Variants in NRCAM observed in about 807,000 individuals in gnomAD.
NRCAM encodes the protein neuronal cell adhesion molecule.
A neutral mutation model predicts 156.5 loss-of-function variants in NRCAM; 83 were observed. The observed-to-expected ratio is 0.53, with a 90% CI of 0.44 to 0.64. The LOEUF is 0.64. Ranked by LOEUF, NRCAM falls within the 30% of genes least tolerant of loss-of-function variation. The pLI, the probability that NRCAM is intolerant of heterozygous loss-of-function variation, is 0.00. For missense variants in NRCAM, 1,417 were observed against 1,597.3 expected, an observed-to-expected ratio of 0.89 and a Z score of 1.92; for synonymous variants, 538 against 563.9, an observed-to-expected ratio of 0.95 and a Z score of 0.65.
intron 2 of NRCAM, 40 bp downstream of exon 2, chr7:108,399,396 C>T (rs1337954772): frequency 6.6e-6 from 1 of 152,188 alleles, no homozygotes; most frequent in African/African-American, 2.4e-5. Flanking sequence ...CCAGTTAATT[C>T]AGTCTTGTAA....
chr7:108,277,817 C>T (rs1171673036), intron 3 of NRCAM, among the ~76,000 whole-genome samples: 1 of 152,056 alleles, frequency 6.6e-6, no homozygotes, highest in Non-Finnish European at 1.5e-5. Flanking sequence ...GAGAAGAGGC[C>T]TTCTGGTTTT....
chr7:108,316,300 A>C (rs1220263108), intron 2 of NRCAM, among the ~76,000 whole-genome samples: 1 of 152,186 alleles, frequency 6.6e-6, no homozygotes, highest in African/African-American at 2.4e-5. Flanking sequence ...GGGATGATGC[A>C]GCAAGAAGGC....
At chr7:108,334,954 G>T (rs2099164155) in intron 2 of NRCAM, among the ~76,000 whole-genome samples, 1 of 151,992 alleles carries the variant, frequency 6.6e-6, no homozygotes, top group Admixed American at 6.6e-5. Flanking sequence ...ATTAAGACAG[G>T]GTTATGTAAT....
At chr7:108,225,567 A>T (rs2093302210) in intron 10 of NRCAM, 78 bp downstream of exon 10, 8 of 850,294 alleles carry the variant, frequency 9.4e-6, no homozygotes, top group Admixed American at 8.5e-5. Context: ...AATAAGGTTA[A>T]ATAGTCATGG....
rs2069853203 is a variant in NRCAM at position 108,189,709 on chromosome 7, A to G, written c.1971T>C (p.Asp657=). The G allele has an allele frequency of 6.4e-7, 1 of 1,553,526 alleles. No homozygotes were observed. Among genetic ancestry groups the G allele is most frequent in the African/African-American group, 1.4e-5 (1 of 73,774 alleles). ...PNPPFDLELT[D]QLDKSVQLSW... ...ACAGCTGAACACTTTTGTCAAGTTG[A>G]TCTGTCAGTTCTAAGTCAAAGGGAG... The change falls in exon 20 of 33, where the codon GAT becomes GAC. Residue 657 remains aspartate, a synonymous_variant. Coordinates refer to ENST00000379028, the MANE Select transcript of NRCAM (RefSeq NM_001037132.4).
intron 3 of NRCAM, among the ~76,000 whole-genome samples, chr7:108,305,912 A>C (rs1011742403): frequency 1.3e-5 from 2 of 152,250 alleles, no homozygotes; most frequent in African/African-American, 4.8e-5. Flanking sequence ...ACATGTATTA[A>C]AATGATTTAA....
intron 2 of NRCAM, among the ~76,000 whole-genome samples, chr7:108,397,243 G>A (rs1019187622): frequency 7.2e-5 from 11 of 152,148 alleles, no homozygotes; most frequent in Admixed American, 3.3e-4. Flanking sequence ...TGACAGATTC[G>A]TGGACCTTTA....
chr7:108,200,969 C>G (rs906196737), intron 13 of NRCAM, among the ~76,000 whole-genome samples: 1 of 151,974 alleles, frequency 6.6e-6, no homozygotes, highest in South Asian at 2.1e-4. Flanking sequence ...ATATATTGAA[C>G]TTTGGGGTCT....
At chr7:108,162,844 A>C (rs1180209592) in intron 30 of NRCAM, among the ~76,000 whole-genome samples, 1 of 152,270 alleles carries the variant, frequency 6.6e-6, no homozygotes, top group Admixed American at 6.5e-5. Flanking sequence ...ATAAAACAGA[A>C]ACTGTGTAAA....
intron 3 of NRCAM, among the ~76,000 whole-genome samples, chr7:108,277,685 C>A (rs1244397221): frequency 1.3e-5 from 2 of 152,032 alleles, no homozygotes; most frequent in African/African-American, 4.8e-5. Flanking sequence ...TTAGAACATG[C>A]TTCTTTAGCT....
intron 1 of NRCAM, among the ~76,000 whole-genome samples, chr7:108,418,298 T>TG (rs1395821038): frequency 6.6e-6 from 1 of 152,134 alleles, no homozygotes; most frequent in Non-Finnish European, 1.5e-5. Context: ...TGTGCTTCTA[T>TG]GAAGCACACA....
At chr7:108,207,405 G>T in intron 13 of NRCAM, 123 bp downstream of exon 13, 1 of 922,338 alleles carries the variant, frequency 1.1e-6, no homozygotes, top group Non-Finnish European at 1.6e-6. Flanking sequence ...TGGTGCCTGT[G>T]TTTAACATAC....
chr7:108,226,404 G>A (rs2093444854), intron 8 of NRCAM, 26 bp from the exon 9 acceptor site: 1 of 1,581,214 alleles, frequency 6.3e-7, no homozygotes, highest in East Asian at 2.2e-5. Flanking sequence ...GAGATATCAA[G>A]ATTATTCCAT....
At chr7:108,325,618 T>A (rs1353680041) in intron 2 of NRCAM, among the ~76,000 whole-genome samples, 1 of 152,110 alleles carries the variant, frequency 6.6e-6, no homozygotes, top group African/African-American at 2.4e-5. Context: ...CTCTGCTTTA[T>A]TTTTTGCCTT....
At chr7:108,166,900 C>G in intron 30 of NRCAM, 21 bp downstream of exon 30, 1 of 1,611,810 alleles carries the variant, frequency 6.2e-7, no homozygotes, top group South Asian at 1.1e-5. Flanking sequence ...GGAGCCAGAA[C>G]AGGTGTGGTG....
At chr7:108,439,097 T>C (rs1049517668) in intron 1 of NRCAM, among the ~76,000 whole-genome samples, 1 of 152,128 alleles carries the variant, frequency 6.6e-6, no homozygotes, top group Non-Finnish European at 1.5e-5. Context: ...CTTTTTTCCA[T>C]GAAATTAACA....
In NRCAM at chr7:108,433,238, C is replaced by A. The variant is rs547733610; in HGVS notation, c.-332+23005G>T. 7.9e-5 allele frequency among the ~76,000 whole-genome samples: 12 copies of A among 152,208 alleles called. No homozygotes were observed. In the South Asian group the frequency reaches 2.3e-3, roughly 29 times the overall value. ...CCAATACCTTGAGATTGCACGCCCC[C>A]ACCCCGCAACCCAGCTACCTCCTAA... is the stretch of plus-strand genomic sequence containing the variant. On this transcript the variant is annotated intron_variant, in intron 1 of 32. Transcript: ENST00000379028.
Position 108,433,644 on chromosome 7 carries a change from C to T in NRCAM, c.-332+22599G>A, listed in dbSNP as rs972609264. ...GCTGGTTGTTAAAAAGAGCCTGGTGCCTTCCCCCTACCCTCTTGCTTGCCT... is the reference window on the plus strand; with the variant it reads ...GCTGGTTGTTAAAAAGAGCCTGGTGTCTTCCCCCTACCCTCTTGCTTGCCT... On this transcript the variant is annotated intron_variant, in intron 1 of 32. Coordinates refer to ENST00000379028, the MANE Select transcript of NRCAM (RefSeq NM_001037132.4). Among the ~76,000 whole-genome samples, 4 of 152,218 alleles carry T rather than the reference C, an allele frequency of 2.6e-5. No homozygotes were observed. In the East Asian group the frequency reaches 7.7e-4, roughly 29 times the overall value.
At chr7:108,456,074 G>C (rs1598787786) in intron 1 of NRCAM, among the ~76,000 whole-genome samples, 169 bp downstream of exon 1, 2 of 152,192 alleles carry the variant, frequency 1.3e-5, no homozygotes, top group East Asian at 3.9e-4. Flanking sequence ...AAGGGAGTTG[G>C]AGATCTGCTT....
Sources: gnomAD v4.1 joint callset for allele counts (sites outside exome capture counted in the v4.1 genomes callset) on GRCh38, gnomAD v4.1.1 for gene constraint, MANE v1.5 for transcripts, NCBI Gene and HGNC (gene_info 2026-07-23, HGNC 2026-07-21) for gene names.